Variants in MAN1C1 observed in about 807,000 individuals in gnomAD.
MAN1C1 encodes the protein mannosidase alpha class 1C member 1, also known as mannosyl-oligosaccharide 1,2-alpha-mannosidase IC.
In MAN1C1, 49 loss-of-function variants were observed where a neutral mutation model predicts 71.5. The observed-to-expected ratio is 0.69, with a 90% CI of 0.54 to 0.87. The LOEUF (loss-of-function observed/expected upper bound fraction) is 0.87, where lower values mean the gene tolerates loss of function less well. Ranked by LOEUF, MAN1C1 falls within the 40% of genes least tolerant of loss-of-function variation. The probability of loss-of-function intolerance (pLI) is 0.00; values close to 1 mark genes in which losing one functional copy is unlikely to be tolerated. For missense variants in MAN1C1, 743 were observed against 835.0 expected (o/e 0.89, Z 1.36); for synonymous variants, 352 against 343.7 (o/e 1.02, Z -0.27).
chr1:25,676,610 C>T (rs3767892), intron 1 of MAN1C1, among the ~76,000 whole-genome samples: 5,163 of 152,224 alleles, frequency 0.034, 312 homozygotes, highest in East Asian at 0.22. Flanking sequence ...ATCCCAGGAT[C>T]GTTAGAGACC....
intron 2 of MAN1C1, among the ~76,000 whole-genome samples, chr1:25,740,046 C>T (rs978297567): frequency 1.4e-4 from 21 of 152,168 alleles, no homozygotes; most frequent in South Asian, 4.1e-4. Context: ...TGGAAGGTGG[C>T]GGTGAACCGA....
At position 25,746,571 on chromosome 1, in the gene MAN1C1, C is replaced by A; in HGVS notation, c.638-97C>A. On this transcript the variant is annotated intron_variant, in intron 2 of 11. Coordinates refer to ENST00000374332, the MANE Select transcript of MAN1C1 (RefSeq NM_020379.4). The surrounding 1 kb of genome is among the most constrained non-coding windows in gnomAD (Gnocchi z 4.0). ...AGGCCAGCCTTTGCCACCAAGCCTG[C>A]GCTGGCATTGGAGGGGCCCTGAGAA... The A allele has an allele frequency of 2.1e-6, 2 of 944,768 alleles. No individual in the cohort carries two copies. Among genetic ancestry groups the A allele is most frequent in the Non-Finnish European group, 3.4e-6 (2 of 593,456 alleles). 58.5% of individuals were successfully genotyped at this position (944,768 alleles called of 1,614,324 possible). A position where few individuals can be genotyped will look rare whatever the true frequency, so the allele number is the denominator to read the frequency against.
chr1:25,714,162 C>T (rs1202756083), intron 2 of MAN1C1, among the ~76,000 whole-genome samples: 3 of 152,200 alleles, frequency 2.0e-5, no homozygotes, highest in South Asian at 2.1e-4. Context: ...CTGAGGACTG[C>T]GATTCATTTG....
rs2047137697 is a variant in MAN1C1 at position 25,746,929 on chromosome 1, C to T, written c.753+146C>T. Reference sequence around the variant, plus strand: ...CCAGCAGTCTCGGAACCGGAGCTGCCGTGCAGTCTGTGCTGAGTCCCTTCC... The same window carrying T: ...CCAGCAGTCTCGGAACCGGAGCTGCTGTGCAGTCTGTGCTGAGTCCCTTCC... On this transcript the variant is annotated intron_variant, in intron 3 of 11. Transcript: ENST00000374332. This position sits in a 1 kb window ranked among gnomAD's most constrained non-coding sequence, Gnocchi z 4.0. 13 of 630,862 alleles carry T rather than the reference C, an allele frequency of 2.1e-5. No homozygotes were observed. The highest frequency in any genetic ancestry group is 4.1e-4 in the Middle Eastern group (1 of 2,414). 39.1% of individuals were successfully genotyped at this position (630,862 alleles called of 1,614,324 possible).
At chr1:25,749,401 C>G (rs1216065310) in intron 4 of MAN1C1, 66 bp downstream of exon 4, 2 of 1,349,278 alleles carry the variant, frequency 1.5e-6, no homozygotes, top group Non-Finnish European at 2.1e-6. Flanking sequence ...ATATCCAGTC[C>G]TTCCCCCTCA....
At position 25,618,200 on chromosome 1, in the gene MAN1C1, G is replaced by C. The variant is rs779583421; in HGVS notation, c.403G>C (p.Gly135Arg). Residue 135 changes from glycine to arginine, a missense_variant, in exon 1 of 12, where the codon GGG becomes CGG. Gly to Arg is a moderately radical substitution (Grantham distance 125, BLOSUM62 -2). Transcript: ENST00000374332. ...RGNSIPASRP[G>R]DEGVPFRFDF... The stretch of plus-strand genomic sequence containing the variant: ...CAATAGCATCCCGGCCTCCAGGCCC[G>C]GGGACGAGGGCGTCCCTTTCCGCTT... 6.3e-7 allele frequency: 1 copy of C among 1,585,710 alleles called. No homozygotes were observed. Among genetic ancestry groups the C allele is most frequent in the African/African-American group, 1.3e-5 (1 of 74,200 alleles).
At chr1:25,628,745 T>A (rs945866208) in intron 1 of MAN1C1, among the ~76,000 whole-genome samples, 15 of 152,330 alleles carry the variant, frequency 9.8e-5, no homozygotes, top group Admixed American at 3.9e-4. Context: ...AGGATTTTTT[T>A]AATCCCTCCC....
chr1:25,671,802 C>G (rs534614244), intron 1 of MAN1C1, among the ~76,000 whole-genome samples: 1 of 152,232 alleles, frequency 6.6e-6, no homozygotes, highest in Non-Finnish European at 1.5e-5. Flanking sequence ...GGGTCTGAAA[C>G]AGGTCTCACT....
At chr1:25,633,263 A>T (rs2045410612) in intron 1 of MAN1C1, among the ~76,000 whole-genome samples, 1 of 152,220 alleles carries the variant, frequency 6.6e-6, no homozygotes, top group Non-Finnish European at 1.5e-5. Flanking sequence ...AAGAATGTGT[A>T]TTCTGCAGTT....
At chr1:25,675,975 G>A (rs1473191583) in intron 1 of MAN1C1, among the ~76,000 whole-genome samples, 1 of 152,158 alleles carries the variant, frequency 6.6e-6, no homozygotes, top group African/African-American at 2.4e-5. Flanking sequence ...GAATCACCTG[G>A]GGCTCTTGTT....
chr1:25,759,399 C>G (rs2047331877), intron 6 of MAN1C1: 1 of 152,514 alleles, frequency 6.6e-6, no homozygotes, highest in African/African-American at 2.4e-5. Flanking sequence ...CAGTCCCTCC[C>G]TGAGGGCTGC....
intron 2 of MAN1C1, among the ~76,000 whole-genome samples, chr1:25,700,846 G>C (rs2046432394): frequency 6.6e-6 from 1 of 152,178 alleles, no homozygotes; most frequent in Non-Finnish European, 1.5e-5. Context: ...GGGCAGTGTT[G>C]GTGCTGCAGA....
intron 4 of MAN1C1, among the ~76,000 whole-genome samples, chr1:25,752,285 A>G (rs1220322161): frequency 6.6e-6 from 1 of 152,180 alleles, no homozygotes; most frequent in Non-Finnish European, 1.5e-5. Context: ...GAGGAAACCA[A>G]GGTGCAGCGA....
intron 3 of MAN1C1, among the ~76,000 whole-genome samples, chr1:25,748,501 C>A (rs1250673509): frequency 6.6e-6 from 1 of 152,176 alleles, no homozygotes; most frequent in East Asian, 1.9e-4. Flanking sequence ...CCTGTGTTCA[C>A]CCTGCACGGG....
intron 2 of MAN1C1, among the ~76,000 whole-genome samples, chr1:25,745,335 C>CT (rs10555591): frequency 1.0e-3 from 150 of 149,340 alleles, no homozygotes; most frequent in African/African-American, 2.8e-3. Context: ...ATTTTCTTTC[C>CT]TTTTTTTTTT....
chr1:25,628,313 A>G (rs2045328858), intron 1 of MAN1C1, among the ~76,000 whole-genome samples: 1 of 151,454 alleles, frequency 6.6e-6, no homozygotes. Flanking sequence ...ATTTATTTTT[A>G]TTTTTATTTT....
At chr1:25,714,620 A>G (rs1409712979) in intron 2 of MAN1C1, among the ~76,000 whole-genome samples, 1 of 152,222 alleles carries the variant, frequency 6.6e-6, no homozygotes, top group Non-Finnish European at 1.5e-5. Flanking sequence ...ACCGATCCAA[A>G]AGAAGATAAA....
chr1:25,768,403 C>T (rs1298027566), intron 7 of MAN1C1, among the ~76,000 whole-genome samples: 1 of 140,116 alleles, frequency 7.1e-6, no homozygotes, highest in East Asian at 2.3e-4. Flanking sequence ...TACATCCACA[C>T]TCCCCTCAAA....
chr1:25,773,426 A>G (rs2047579893), intron 8 of MAN1C1, among the ~76,000 whole-genome samples: 1 of 152,216 alleles, frequency 6.6e-6, no homozygotes. Context: ...AGGCTCAGTA[A>G]TGATTTTTCC....
Sources: gnomAD v4.1 joint callset for allele counts (sites outside exome capture counted in the v4.1 genomes callset) on GRCh38, gnomAD v4.1.1 for gene constraint, Gnocchi (gnomAD v3.1) non-coding constraint, MANE v1.5 for transcripts, NCBI Gene and HGNC (gene_info 2026-07-23, HGNC 2026-07-21) for gene names.